The following PWP1 variants were observed in gnomAD, a reference collection of about 807,000 sequenced individuals.
PWP1 encodes the protein PWP1 homolog, endonuclein.
Under a neutral mutation model 69.9 loss-of-function variants are expected in PWP1, and 47 were observed. The ratio of observed to expected loss-of-function variants is 0.67; its 90% CI spans 0.53 to 0.86. PWP1 has a LOEUF of 0.86. Among genes scored for constraint, PWP1 ranks in the 40% least tolerant of loss-of-function variants. PWP1 has a pLI of 0.00. For synonymous variants in PWP1, 222 were observed against 208.2 expected (o/e 1.07, Z -0.57); for missense variants, 551 against 608.8 (o/e 0.91, Z 1.00).
At chr12:107,688,405 A>T (rs908874225) in intron 1 of PWP1, 43 bp from the exon 2 acceptor site, 1 of 1,533,088 alleles carries the variant, frequency 6.5e-7, no homozygotes, top group Admixed American at 2.1e-5. Flanking sequence ...TAATTTGATG[A>T]TTTCCTTACA....
intron 3 of PWP1, among the ~76,000 whole-genome samples, chr12:107,690,071 G>A (rs962686664): frequency 2.0e-5 from 3 of 152,180 alleles, no homozygotes; most frequent in African/African-American, 2.4e-5. Context: ...TTTGGGAGCT[G>A]AAGGGACTCC....
chr12:107,685,819 T>C lies in PWP1; in HGVS notation c.-81T>C, dbSNP rs1889350079. The C allele has an allele frequency of 7.4e-6, 11 of 1,493,076 alleles. No homozygotes were observed. The highest frequency in any genetic ancestry group is 3.4e-5 in the Admixed American group (2 of 59,204). The allele number at this position is 1,493,076 out of a possible 1,614,324, so 92.5% of individuals were successfully genotyped here. On this transcript the variant is annotated 5_prime_UTR_variant, in exon 1 of 15. Transcript: ENST00000412830. Reference sequence around the variant, plus strand: ...CTGGCAGCGGCCCTGTGCAGATCCCTGAGCGTGTGGCAGCAGTGCGGTCGT... The same window carrying C: ...CTGGCAGCGGCCCTGTGCAGATCCCCGAGCGTGTGGCAGCAGTGCGGTCGT...
At chr12:107,703,162 T>C (rs1889747032) in intron 9 of PWP1, 131 bp downstream of exon 9, 1 of 675,434 alleles carries the variant, frequency 1.5e-6, no homozygotes, top group Non-Finnish European at 2.5e-6. Flanking sequence ...TCACATGTTA[T>C]CTCTTAGGAT....
At chr12:107,706,330 C>T (rs926418172) in intron 11 of PWP1, among the ~76,000 whole-genome samples, 1 of 152,088 alleles carries the variant, frequency 6.6e-6, no homozygotes, top group African/African-American at 2.4e-5. Context: ...AAAATTTTCT[C>T]CTATTCTGTA....
At chr12:107,686,808 T>C (rs1257202948) in intron 1 of PWP1, among the ~76,000 whole-genome samples, 1 of 151,704 alleles carries the variant, frequency 6.6e-6, no homozygotes, top group Non-Finnish European at 1.5e-5. Context: ...CTACTAAAAA[T>C]ACAAAAAATT....
At chr12:107,701,228 G>A in intron 8 of PWP1, among the ~76,000 whole-genome samples, 1 of 152,126 alleles carries the variant, frequency 6.6e-6, no homozygotes, top group East Asian at 1.9e-4. Context: ...CTGGGGCTCA[G>A]GTGATCCTCC....
chr12:107,689,377 A>G (rs1297434359), intron 3 of PWP1, among the ~76,000 whole-genome samples: 1 of 151,884 alleles, frequency 6.6e-6, no homozygotes, highest in Non-Finnish European at 1.5e-5. Flanking sequence ...ACCACCACTG[A>G]GGGTCTTGGA....
At chr12:107,696,730 C>A in intron 6 of PWP1, 146 bp downstream of exon 6, 1 of 1,318,276 alleles carries the variant, frequency 7.6e-7, no homozygotes, top group Non-Finnish European at 1.0e-6. Context: ...TTATAGAGTT[C>A]TTAACACACC....
intron 11 of PWP1, among the ~76,000 whole-genome samples, chr12:107,708,650 G>A (rs955587093): frequency 8.5e-5 from 13 of 152,158 alleles, no homozygotes; most frequent in Admixed American, 6.6e-4. Context: ...CTGTGTTCAC[G>A]TGGATGTAAC....
intron 9 of PWP1, among the ~76,000 whole-genome samples, chr12:107,703,411 A>C (rs1889752398): frequency 6.6e-6 from 1 of 152,206 alleles, no homozygotes; most frequent in Admixed American, 6.5e-5. Flanking sequence ...GGGTTTGACT[A>C]CTTCCCTTTT....
chr12:107,707,575 A>G (rs1392074266), intron 11 of PWP1, among the ~76,000 whole-genome samples: 1 of 152,184 alleles, frequency 6.6e-6, no homozygotes, highest in Non-Finnish European at 1.5e-5. Context: ...TGTCTCATCA[A>G]TACCGAATTT....
intron 11 of PWP1, among the ~76,000 whole-genome samples, chr12:107,706,889 T>C: frequency 6.6e-6 from 1 of 152,248 alleles, no homozygotes; most frequent in Non-Finnish European, 1.5e-5. Context: ...GTGGGCTCTT[T>C]TTTGGTTCTA....
At chr12:107,709,715 G>A (rs1353982519) in intron 13 of PWP1, among the ~76,000 whole-genome samples, 4 of 152,024 alleles carry the variant, frequency 2.6e-5, no homozygotes. Context: ...AGCACCTACT[G>A]TATGCCAACC....
At chr12:107,710,153 T>C (rs11113451) in intron 13 of PWP1, among the ~76,000 whole-genome samples, 45,424 of 152,036 alleles carry the variant, frequency 0.3, 8,294 homozygotes, top group Middle Eastern at 0.42. Context: ...CGAAGATGAG[T>C]GGCCTGAGTG....
intron 11 of PWP1, 88 bp from the exon 12 acceptor site, chr12:107,708,838 T>C (rs563149174): frequency 2.3e-4 from 274 of 1,166,984 alleles, no homozygotes; most frequent in Middle Eastern, 5.7e-4. Flanking sequence ...GTAAGTCATA[T>C]AGCTGATTTT....
chr12:107,686,463 G>T (rs1199638620), intron 1 of PWP1, among the ~76,000 whole-genome samples: 1 of 152,340 alleles, frequency 6.6e-6, no homozygotes, highest in East Asian at 1.9e-4. Flanking sequence ...GCTGGGAGAT[G>T]AATAGGGAAT....
intron 3 of PWP1, among the ~76,000 whole-genome samples, chr12:107,691,692 C>T (rs1164670891): frequency 6.6e-6 from 1 of 152,100 alleles, no homozygotes; most frequent in East Asian, 1.9e-4. Flanking sequence ...GCTGGTGTAC[C>T]TCTTTTCTTT....
rs1458129247 is a variant in PWP1, at chr12:107,688,445, C to T, written c.73-3C>T. 4 of 1,610,598 alleles carry T rather than the reference C, an allele frequency of 2.5e-6. No homozygotes were observed. Among genetic ancestry groups the T allele is most frequent in the Non-Finnish European group, 3.4e-6 (4 of 1,178,986 alleles). ...TTGTAATGAAATCTTTGCTCTCTTA[C>T]AGGTAGAGCTGAGTAAAGAAGAAGT... On this transcript the variant is annotated splice_polypyrimidine_tract_variant and splice_region_variant and intron_variant, in intron 1 of 14. Transcript: ENST00000412830.
At chr12:107,705,366 G>A (rs1475396996) in intron 11 of PWP1, among the ~76,000 whole-genome samples, 1 of 151,212 alleles carries the variant, frequency 6.6e-6, no homozygotes, top group Non-Finnish European at 1.5e-5. Flanking sequence ...GCAAAGGTGA[G>A]AAAGAGTTTT....
Sources: allele counts gnomAD v4.1 joint callset (sites outside exome capture counted in the v4.1 genomes callset), GRCh38; gene constraint gnomAD v4.1.1; transcripts MANE v1.5; gene names NCBI Gene and HGNC (gene_info 2026-07-23, HGNC 2026-07-21).